Variants in PTPN12 observed in about 807,000 individuals in gnomAD.
PTPN12 encodes tyrosine-protein phosphatase non-receptor type 12.
A neutral mutation model predicts 97.6 loss-of-function variants in PTPN12; 29 were observed. The observed-to-expected ratio is 0.30, with a 90% CI of 0.22 to 0.41. PTPN12 has a LOEUF of 0.41. Among genes scored for constraint, PTPN12 ranks in the 10% least tolerant of loss-of-function variants. PTPN12 has a pLI of 1.00. For synonymous variants in PTPN12, 327 were observed against 300.4 expected (o/e 1.09, Z -0.91); for missense variants, 819 against 926.0 (o/e 0.88, Z 1.50).
intron 1 of PTPN12, among the ~76,000 whole-genome samples, chr7:77,564,759 T>TTTTTG (rs1808179633): frequency 2.0e-5 from 2 of 99,124 alleles, no homozygotes; most frequent in South Asian, 4.0e-4. Context: ...TTTTTTTTTT[T>TTTTTG]TTTTTTTTTT....
intron 11 of PTPN12, among the ~76,000 whole-genome samples, chr7:77,617,827 A>G (rs1466134546): frequency 1.3e-5 from 2 of 152,210 alleles, no homozygotes; most frequent in Non-Finnish European, 2.9e-5. Flanking sequence ...ACTCTGAAAC[A>G]TCAATGTTAA....
In PTPN12 at chr7:77,600,696, G is replaced by C; in HGVS notation, c.585G>C (p.Val195=). The C allele has an allele frequency of 1.2e-6, 2 of 1,609,960 alleles. No homozygotes were observed. Among genetic ancestry groups the C allele is most frequent in the South Asian group, 2.2e-5 (2 of 90,138 alleles). Residue 195 remains valine, a synonymous_variant, in exon 8 of 18, where the codon GTG becomes GTC. Transcript: ENST00000248594. ...GTAGGCTGTATCAGTTTCATTATGT[G>C]AACTGGCCAGACCATGATGTTCCTT... ...ESRRLYQFHY[V]NWPDHDVPSS...
At chr7:77,632,560 TTTAA>T in intron 14 of PTPN12, 135 bp downstream of exon 14, 1 of 672,776 alleles carries the variant, frequency 1.5e-6, no homozygotes. Flanking sequence ...TTGACATGCT[TTTAA>T]TTCTTTGTTT....
At chr7:77,626,313 T>C (rs574052595) in intron 12 of PTPN12, among the ~76,000 whole-genome samples, 24 of 152,180 alleles carry the variant, frequency 1.6e-4, no homozygotes, top group African/African-American at 5.5e-4. Flanking sequence ...TATAACAGTA[T>C]TGGAAAGATA....
intron 1 of PTPN12, among the ~76,000 whole-genome samples, chr7:77,544,955 G>A (rs1164894157): frequency 6.6e-6 from 1 of 152,072 alleles, no homozygotes; most frequent in Non-Finnish European, 1.5e-5. Flanking sequence ...CACATAACTC[G>A]TTGTATTTTC....
At chr7:77,568,454 C>T (rs937400354) in intron 1 of PTPN12, among the ~76,000 whole-genome samples, 9 of 152,092 alleles carry the variant, frequency 5.9e-5, no homozygotes, top group African/African-American at 2.2e-4. Flanking sequence ...CCGCAACATA[C>T]ATGGGGAGAC....
At chr7:77,604,611 G>A (rs534362271) in intron 8 of PTPN12, among the ~76,000 whole-genome samples, 1 of 152,022 alleles carries the variant, frequency 6.6e-6, no homozygotes, top group East Asian at 1.9e-4. Context: ...CTGCCTGTTT[G>A]CAATACATAA....
At chr7:77,639,151 G>A in intron 17 of PTPN12, 68 bp from the exon 18 acceptor site, 1 of 1,254,162 alleles carries the variant, frequency 8.0e-7, no homozygotes, top group Non-Finnish European at 1.1e-6. Flanking sequence ...AATGTCTGTG[G>A]ACATGGTTTT....
chr7:77,543,305 AG>A (rs1161512236), intron 1 of PTPN12, among the ~76,000 whole-genome samples: 2 of 149,984 alleles, frequency 1.3e-5, no homozygotes, highest in Non-Finnish European at 3.0e-5. Flanking sequence ...TAGGAGCTAG[AG>A]GAAGATTGGT....
At chr7:77,632,123 G>T (rs990111005) in intron 13 of PTPN12, among the ~76,000 whole-genome samples, 1 of 152,226 alleles carries the variant, frequency 6.6e-6, no homozygotes, top group Non-Finnish European at 1.5e-5. Context: ...GATGTCTGTA[G>T]AGTGACAGGA....
At chr7:77,635,388 C>T (rs1025515466) in intron 14 of PTPN12, among the ~76,000 whole-genome samples, 1 of 152,174 alleles carries the variant, frequency 6.6e-6, no homozygotes, top group African/African-American at 2.4e-5. Context: ...GAGATCGCGC[C>T]TGGTCAACAG....
At chr7:77,557,538 A>AT (rs1215313608) in intron 1 of PTPN12, among the ~76,000 whole-genome samples, 1 of 151,420 alleles carries the variant, frequency 6.6e-6, no homozygotes, top group Admixed American at 6.6e-5. Flanking sequence ...TTTTTTTTGC[A>AT]TTTTTTTATT....
rs189344403 is a variant in PTPN12 at position 77,619,267 on chromosome 7, G to A, written c.1025+702G>A. On this transcript the variant is annotated intron_variant, in intron 12 of 17. Transcript: ENST00000248594. The stretch of plus-strand genomic sequence containing the variant: ...GCACATAGATCTGCCAAAACTGATC[G>A]ACTTCCCATCAAAATAAATTCTTTT... Among the ~76,000 whole-genome samples, 485 of 152,210 alleles carry A rather than the reference G, an allele frequency of 3.2e-3. 1 individual carries two copies. Among genetic ancestry groups the A allele is most frequent in the African/African-American group, 0.011 (447 of 41,536 alleles).
chr7:77,629,295 C>T (rs960727339), intron 13 of PTPN12, among the ~76,000 whole-genome samples: 4 of 152,160 alleles, frequency 2.6e-5, no homozygotes, highest in African/African-American at 9.7e-5. Context: ...ATTATCTTTT[C>T]TTGATTTATC....
chr7:77,584,945 G>A (rs1199837131), intron 4 of PTPN12, among the ~76,000 whole-genome samples: 1 of 151,992 alleles, frequency 6.6e-6, no homozygotes, highest in African/African-American at 2.4e-5. Context: ...TGGGGAGAGT[G>A]TACTGATGTT....
chr7:77,545,032 G>A (rs752741034), intron 1 of PTPN12, among the ~76,000 whole-genome samples: 8 of 152,170 alleles, frequency 5.3e-5, no homozygotes, highest in Non-Finnish European at 1.0e-4. Context: ...AAATAAATAT[G>A]ATTTTATTAG....
At chr7:77,621,556 C>T (rs1428372015) in intron 12 of PTPN12, among the ~76,000 whole-genome samples, 1 of 151,896 alleles carries the variant, frequency 6.6e-6, no homozygotes, top group Non-Finnish European at 1.5e-5. Flanking sequence ...GTAGTCTCAG[C>T]TACTTGGGAG....
intron 3 of PTPN12, among the ~76,000 whole-genome samples, chr7:77,582,610 C>T (rs1052768492): frequency 6.6e-6 from 1 of 151,680 alleles, no homozygotes; most frequent in Non-Finnish European, 1.5e-5. Flanking sequence ...ATGGGGAAAC[C>T]CAGTCTCTAC....
chr7:77,569,586 C>T (rs1253415217), intron 1 of PTPN12, among the ~76,000 whole-genome samples: 6 of 152,042 alleles, frequency 3.9e-5, no homozygotes, highest in Non-Finnish European at 8.8e-5. Context: ...GCCTGGATAA[C>T]ATAGTGAAAC....
Sources: gnomAD v4.1 joint callset for allele counts (sites outside exome capture counted in the v4.1 genomes callset) on GRCh38, gnomAD v4.1.1 for gene constraint, MANE v1.5 for transcripts, NCBI Gene and HGNC (gene_info 2026-07-23, HGNC 2026-07-21) for gene names.